Variants in UST observed in about 807,000 individuals in gnomAD.
UST encodes the protein uronyl 2-sulfotransferase, also known as chondroitin sulfate 2-O-sulfotransferase.
Under a neutral mutation model 45.6 loss-of-function variants are expected in UST, and 21 were observed. That is an observed-to-expected ratio of 0.46 (90% CI 0.33 to 0.66). The LOEUF (loss-of-function observed/expected upper bound fraction) is 0.66, where lower values mean the gene tolerates loss of function less well. Ranked by LOEUF, UST falls within the 30% of genes least tolerant of loss-of-function variation. UST has a pLI of 0.02. For missense variants in UST, 463 were observed against 512.4 expected, an observed-to-expected ratio of 0.90 and a Z score of 0.93; for synonymous variants, 215 against 200.6, an observed-to-expected ratio of 1.07 and a Z score of -0.61.
At chr6:148,842,789 C>T (rs924384221) in intron 1 of UST, among the ~76,000 whole-genome samples, 15 of 152,150 alleles carry the variant, frequency 9.9e-5, no homozygotes, top group South Asian at 2.1e-4. Flanking sequence ...GCGTGGCCCT[C>T]GTCTGTATAT....
chr6:148,803,438 C>T (rs1777087903), intron 1 of UST, among the ~76,000 whole-genome samples: 1 of 152,160 alleles, frequency 6.6e-6, no homozygotes, highest in African/African-American at 2.4e-5. Context: ...ATCATTAGTC[C>T]TGATGACTTT....
At chr6:148,955,916 G>C (rs1214564839) in intron 4 of UST, 2 of 152,238 alleles carry the variant, frequency 1.3e-5, no homozygotes, top group Non-Finnish European at 2.9e-5. Flanking sequence ...GCAGATCACA[G>C]TATGGTGGCC....
intron 7 of UST, among the ~76,000 whole-genome samples, chr6:149,035,839 G>C (rs1307207442): frequency 6.6e-6 from 1 of 151,976 alleles, no homozygotes. Flanking sequence ...AGTGGACCTC[G>C]CTTGAGGATA....
At chr6:148,978,848 A>T (rs566899469) in intron 5 of UST, among the ~76,000 whole-genome samples, 3,952 of 152,116 alleles carry the variant, frequency 0.026, 69 homozygotes, top group Middle Eastern at 0.075. Flanking sequence ...AATTTTTTTA[A>T]AAAAAAATTG....
intron 1 of UST, among the ~76,000 whole-genome samples, chr6:148,770,287 A>G (rs948099469): frequency 2.0e-5 from 3 of 151,298 alleles, no homozygotes; most frequent in Admixed American, 6.6e-5. Flanking sequence ...TGAGCTGGGC[A>G]TTGAAGCATA....
At chr6:148,799,770 T>A (rs975591421) in intron 1 of UST, among the ~76,000 whole-genome samples, 1 of 152,204 alleles carries the variant, frequency 6.6e-6, no homozygotes, top group Non-Finnish European at 1.5e-5. Context: ...AAGCTTGTAC[T>A]TAATCCTTTA....
chr6:148,806,464 A>G lies in UST; in HGVS notation c.247+58787A>G, dbSNP rs918228365. ...AGCAATTCTCCTGCCTCAGCCTCTC[A>G]AGTAGCTGGGACTACAGGCACACAC... On this transcript the variant is annotated intron_variant, in intron 1 of 7. Coordinates refer to ENST00000367463, the MANE Select transcript of UST (RefSeq NM_005715.3). 4.0e-5 allele frequency among the ~76,000 whole-genome samples: 6 copies of G among 150,314 alleles called. No homozygotes were observed. In the South Asian group the frequency reaches 8.4e-4, roughly 21 times the overall value.
intron 5 of UST, among the ~76,000 whole-genome samples, chr6:149,001,282 C>T (rs1317240618): frequency 6.6e-6 from 1 of 152,130 alleles, no homozygotes; most frequent in African/African-American, 2.4e-5. Context: ...CCATGTTAGC[C>T]AGGATGGTCC....
chr6:148,935,419 A>T (rs1780000543), intron 2 of UST, among the ~76,000 whole-genome samples: 1 of 152,198 alleles, frequency 6.6e-6, no homozygotes, highest in African/African-American at 2.4e-5. Context: ...GCACCTAAAG[A>T]AAGAGTGAGC....
intron 1 of UST, among the ~76,000 whole-genome samples, chr6:148,767,206 T>TA (rs1776340197): frequency 6.6e-6 from 1 of 152,256 alleles, no homozygotes; most frequent in African/African-American, 2.4e-5. Flanking sequence ...CTTAGCTCAT[T>TA]AAAGATCTGT....
chr6:148,893,972 T>C (rs962232812), intron 2 of UST, among the ~76,000 whole-genome samples: 5 of 151,906 alleles, frequency 3.3e-5, no homozygotes, highest in Non-Finnish European at 1.5e-5. Context: ...TGAGCTATGA[T>C]TGCACCACCA....
intron 2 of UST, among the ~76,000 whole-genome samples, chr6:148,935,477 T>C (rs890915389): frequency 3.9e-5 from 6 of 152,166 alleles, no homozygotes; most frequent in Non-Finnish European, 8.8e-5. Context: ...AAGTAGAGGA[T>C]AGAGTTCTCG....
intron 1 of UST, among the ~76,000 whole-genome samples, chr6:148,818,371 T>G (rs1242020736): frequency 6.6e-6 from 1 of 152,188 alleles, no homozygotes; most frequent in African/African-American, 2.4e-5. Context: ...CACTTTTCAT[T>G]GGAAGTAGAC....
At chr6:148,979,673 C>T (rs1251474170) in intron 5 of UST, among the ~76,000 whole-genome samples, 1 of 152,184 alleles carries the variant, frequency 6.6e-6, no homozygotes. Context: ...CGATGTTTCC[C>T]TTTAAAGTTT....
At chr6:148,864,759 TTATAG>T (rs1778393959) in intron 1 of UST, among the ~76,000 whole-genome samples, 1 of 152,154 alleles carries the variant, frequency 6.6e-6, no homozygotes, top group Non-Finnish European at 1.5e-5. Context: ...TGATTAATAG[TTATAG>T]TAAAGGGAGG....
chr6:149,053,217 C>T (rs1177526373), intron 7 of UST, among the ~76,000 whole-genome samples: 1 of 152,088 alleles, frequency 6.6e-6, no homozygotes, highest in South Asian at 2.1e-4. Context: ...CATTCAGTGA[C>T]ATTTGTTTTT....
intron 1 of UST, among the ~76,000 whole-genome samples, chr6:148,769,933 CT>C (rs1449725728): frequency 2.6e-5 from 4 of 151,658 alleles, no homozygotes; most frequent in African/African-American, 9.7e-5. Flanking sequence ...CGTTTACTGG[CT>C]ATTTTTATGC....
chr6:148,929,535 T>C (rs532999542), intron 2 of UST, among the ~76,000 whole-genome samples: 2 of 152,246 alleles, frequency 1.3e-5, no homozygotes, highest in Non-Finnish European at 2.9e-5. Context: ...AGGACAATGC[T>C]GGCATTTCCA....
At chr6:148,772,593 T>G (rs150506354) in intron 1 of UST, among the ~76,000 whole-genome samples, 2 of 152,194 alleles carry the variant, frequency 1.3e-5, no homozygotes, top group African/African-American at 4.8e-5. Context: ...CGGCTAATAT[T>G]TGGCATTTTT....
Sources: gnomAD v4.1 joint callset for allele counts (sites outside exome capture counted in the v4.1 genomes callset) on GRCh38, gnomAD v4.1.1 for gene constraint, MANE v1.5 for transcripts, NCBI Gene and HGNC (gene_info 2026-07-23, HGNC 2026-07-21) for gene names.